The following MTMR7 variants were observed in gnomAD, a reference collection of about 807,000 sequenced individuals.
MTMR7 encodes the protein myotubularin related protein 7.
Under a neutral mutation model 81.2 loss-of-function variants are expected in MTMR7, and 76 were observed. The ratio of observed to expected loss-of-function variants is 0.94; its 90% CI spans 0.78 to 1.13. The LOEUF is 1.13. Ranked by LOEUF, MTMR7 falls within the 50% of genes most tolerant of loss-of-function variation. The probability of loss-of-function intolerance (pLI) is 0.00; values close to 1 mark genes in which losing one functional copy is unlikely to be tolerated. For synonymous variants in MTMR7, 372 were observed against 289.8 expected, an observed-to-expected ratio of 1.28 and a Z score of -2.88; for missense variants, 1,044 against 820.0, an observed-to-expected ratio of 1.27 and a Z score of -3.34.
chr8:17,300,320 T>C, intron 13 of MTMR7, 96 bp from the exon 14 acceptor site: 5 of 1,296,680 alleles, frequency 3.9e-6, no homozygotes, highest in Non-Finnish European at 4.2e-6. Flanking sequence ...CCCACGTGGG[T>C]ATAATGTTAA....
At chr8:17,361,316 A>G (rs1372842720) in intron 3 of MTMR7, 42 bp from the exon 4 acceptor site, 1 of 1,609,454 alleles carries the variant, frequency 6.2e-7, no homozygotes, top group Admixed American at 1.7e-5. Flanking sequence ...AGCTTAGTCA[A>G]AACCAGAGCC....
rs781254375 is a variant in MTMR7 at position 17,302,223 on chromosome 8, AACTG to A, written c.1547_1550del (p.Ser516LeufsTer5). 6.2e-7 allele frequency: 1 copy of A among 1,614,124 alleles called. No homozygotes were observed. Among genetic ancestry groups the A allele is most frequent in the Non-Finnish European group, 8.5e-7 (1 of 1,179,976 alleles). On this transcript the variant is annotated frameshift_variant, in exon 13 of 14. Coordinates refer to ENST00000180173, the MANE Select transcript of MTMR7 (RefSeq NM_004686.5). LOFTEE classifies it high-confidence loss of function. ...CCTTCACTGCCATTAGGTAATCTGT[AACTG>A]ACTGTCGGGGCTGCATCCCCTTTTC... is the stretch of plus-strand genomic sequence containing the variant.
intron 4 of MTMR7, among the ~76,000 whole-genome samples, chr8:17,356,022 G>A (rs982904870): frequency 1.3e-5 from 2 of 152,172 alleles, no homozygotes; most frequent in African/African-American, 2.4e-5. Context: ...ATCCAGTGGT[G>A]CTGGAGCAGG....
At chr8:17,341,283 G>C (rs1164791016) in intron 6 of MTMR7, 80 bp downstream of exon 6, 15 of 1,565,998 alleles carry the variant, frequency 9.6e-6, no homozygotes, top group Non-Finnish European at 1.2e-5. Context: ...CTGCACAAGA[G>C]ATGGCAGTCG....
chr8:17,338,127 T>C (rs937922939), intron 6 of MTMR7, among the ~76,000 whole-genome samples: 1 of 152,118 alleles, frequency 6.6e-6, no homozygotes, highest in African/African-American at 2.4e-5. Context: ...AGTAAACAGT[T>C]TAAAACTCAC....
chr8:17,401,539 G>C (rs1408264536), intron 1 of MTMR7, among the ~76,000 whole-genome samples: 2 of 152,070 alleles, frequency 1.3e-5, no homozygotes, highest in African/African-American at 4.8e-5. Flanking sequence ...AGTATCTCTG[G>C]CAAAAATAAA....
chr8:17,340,812 T>G (rs984462826), intron 6 of MTMR7, among the ~76,000 whole-genome samples: 44 of 152,350 alleles, frequency 2.9e-4, no homozygotes, highest in African/African-American at 9.9e-4. Flanking sequence ...CATGGAATTT[T>G]TAGAGTTCAG....
intron 1 of MTMR7, among the ~76,000 whole-genome samples, chr8:17,411,644 G>C (rs6998267): frequency 0.99 from 151,257 of 152,350 alleles, 75,093 homozygotes; most frequent in Middle Eastern, 1. Context: ...CCCCCAATTT[G>C]TTTCCATTTC....
At chr8:17,340,021 G>A (rs1023014895) in intron 6 of MTMR7, among the ~76,000 whole-genome samples, 16 of 152,112 alleles carry the variant, frequency 1.1e-4, no homozygotes, top group Admixed American at 3.9e-4. Context: ...GCACGATCTC[G>A]GCTCACCGCA....
At chr8:17,329,744 C>T (rs1158382721) in intron 7 of MTMR7, among the ~76,000 whole-genome samples, 1 of 152,140 alleles carries the variant, frequency 6.6e-6, no homozygotes, top group Non-Finnish European at 1.5e-5. Flanking sequence ...TTTTTCAACA[C>T]ATAAAAAACA....
chr8:17,318,230 A>G (rs182687728), intron 7 of MTMR7, among the ~76,000 whole-genome samples: 24 of 152,268 alleles, frequency 1.6e-4, no homozygotes, highest in Admixed American at 3.3e-4. Flanking sequence ...GAAGCCCCCA[A>G]GATAAGGAAT....
At chr8:17,406,922 C>A (rs890044767) in intron 1 of MTMR7, among the ~76,000 whole-genome samples, 3 of 151,968 alleles carry the variant, frequency 2.0e-5, no homozygotes, top group African/African-American at 7.2e-5. Flanking sequence ...TATATAGAGA[C>A]AGAATGTATA....
intron 4 of MTMR7, 179 bp from the exon 5 acceptor site, chr8:17,349,260 T>G (rs1819654834): frequency 6.5e-6 from 4 of 614,122 alleles, no homozygotes; most frequent in Non-Finnish European, 1.1e-5. Flanking sequence ...TGCCGCTGAT[T>G]CTATGTAATC....
At position 17,305,782 on chromosome 8, in the gene MTMR7, T is replaced by C. The variant is rs775057186; in HGVS notation, c.1327A>G (p.Ser443Gly). The change falls in exon 11 of 14, where the codon AGC becomes GGC. Residue 443 changes from serine to glycine, a missense_variant. Ser to Gly is a moderately conservative substitution (Grantham distance 56). Transcript: ENST00000180173. ...SCQFGNFLCN[S>G]QKERRELKIQ... ...TTGAGTTCTCGTCTCTCCTTTTGGC[T>C]GTTACATAGGAAGTTTCCAAACTGG... The C allele has an allele frequency of 6.2e-7, 1 of 1,613,118 alleles. No homozygotes were observed. Among genetic ancestry groups the C allele is most frequent in the East Asian group, 2.2e-5 (1 of 44,818 alleles).
chr8:17,299,916 A>C lies in MTMR7; in HGVS notation c.1929T>G (p.Ser643Arg), dbSNP rs1316118179. The stretch of plus-strand genomic sequence containing the variant: ...AATCCCGGTCCTTGCCACTATCTTC[A>C]CTCGGTGCATGCTCACCACCACTTG... ...RSPSGGEHAP[S>R]EDSGKDRDSD... Residue 643 changes from serine (S) to arginine (R), a missense_variant, in exon 14 of 14, where the codon AGT (serine) becomes AGG (arginine). By Grantham distance (110) the Ser-to-Arg change is moderately radical. Transcript: ENST00000180173. 1 of 1,613,948 alleles carries C rather than the reference A, an allele frequency of 6.2e-7. No homozygotes were observed.
At chr8:17,378,138 T>C (rs145972418) in intron 1 of MTMR7, among the ~76,000 whole-genome samples, 2 of 152,232 alleles carry the variant, frequency 1.3e-5, no homozygotes, top group East Asian at 3.9e-4. Context: ...TAACTTTGGA[T>C]GCTGCTGCAG....
intron 7 of MTMR7, among the ~76,000 whole-genome samples, chr8:17,320,263 C>T (rs182263700): frequency 1.6e-4 from 24 of 152,288 alleles, no homozygotes; most frequent in Admixed American, 2.6e-4. Flanking sequence ...TTGACTTAGA[C>T]TGCTCAAGGA....
At chr8:17,343,823 T>C (rs893964883) in intron 5 of MTMR7, among the ~76,000 whole-genome samples, 12 of 152,228 alleles carry the variant, frequency 7.9e-5, no homozygotes, top group Non-Finnish European at 1.5e-5. Flanking sequence ...TGGTTTTCAA[T>C]TGTGTGCAGA....
At chr8:17,380,058 C>G (rs569832845) in intron 1 of MTMR7, among the ~76,000 whole-genome samples, 1 of 152,266 alleles carries the variant, frequency 6.6e-6, no homozygotes, top group African/African-American at 2.4e-5. Flanking sequence ...GTGAGTCGAT[C>G]TGCAACGTGA....
Sources: gnomAD v4.1 joint callset for allele counts (sites outside exome capture counted in the v4.1 genomes callset) on GRCh38, gnomAD v4.1.1 for gene constraint, MANE v1.5 for transcripts, NCBI Gene and HGNC (gene_info 2026-07-23, HGNC 2026-07-21) for gene names.